TNKS: variants seen among roughly 807,000 people sequenced by gnomAD.
TNKS encodes the protein poly [ADP-ribose] polymerase tankyrase-1.
TNKS carries 72 observed loss-of-function variants against 135.8 expected under a neutral mutation model. The ratio of observed to expected loss-of-function variants is 0.53; its 90% CI spans 0.44 to 0.64. TNKS has a LOEUF of 0.64. Among genes scored for constraint, TNKS ranks in the 30% least tolerant of loss-of-function variants. The pLI is 0.00. For synonymous variants in TNKS, 849 were observed against 649.3 expected, an observed-to-expected ratio of 1.31 and a Z score of -4.68; for missense variants, 1,769 against 1,674.0, an observed-to-expected ratio of 1.06 and a Z score of -0.99.
In TNKS at chr8:9,770,193, C is replaced by T. The variant is rs770435197; in HGVS notation, c.3828C>T (p.His1276=). ...TGGCCCACGCGCCTCCAGGGCACCA[C>T]TCAGTCATTGGTAGACCGAGCGTCA... ...MKMAHAPPGH[H]SVIGRPSVNG... is the part of the protein sequence containing the mutation. Residue 1276 remains histidine (H), a synonymous_variant, in exon 26 of 27, where the codon CAC becomes CAT. Coordinates refer to ENST00000310430, the MANE Select transcript of TNKS (RefSeq NM_003747.3). The T allele has an allele frequency of 2.5e-6, 4 of 1,613,364 alleles. No individual in the cohort carries two copies. Among genetic ancestry groups the T allele is most frequent in the Non-Finnish European group, 3.4e-6 (4 of 1,179,964 alleles).
intron 5 of TNKS, among the ~76,000 whole-genome samples, chr8:9,700,738 C>T (rs146630170): frequency 5.3e-5 from 8 of 152,132 alleles, no homozygotes; most frequent in African/African-American, 1.9e-4. Flanking sequence ...TTTGAAAACT[C>T]ACCCTTCAAC....
chr8:9,606,557 T>G (rs1799228455), intron 2 of TNKS, among the ~76,000 whole-genome samples: 1 of 152,180 alleles, frequency 6.6e-6, no homozygotes, highest in Admixed American at 6.5e-5. Context: ...AGTATGTCTA[T>G]GTTTCACTTC....
At chr8:9,682,055 G>C (rs1031768263) in intron 5 of TNKS, among the ~76,000 whole-genome samples, 11 of 152,050 alleles carry the variant, frequency 7.2e-5, no homozygotes, top group Admixed American at 4.6e-4. Context: ...AATGGTAACT[G>C]TTCATTTTTC....
At chr8:9,646,808 T>C (rs566276352) in intron 3 of TNKS, among the ~76,000 whole-genome samples, 7 of 152,206 alleles carry the variant, frequency 4.6e-5, no homozygotes, top group Non-Finnish European at 1.0e-4. Flanking sequence ...CTTTCCCCGT[T>C]AGTCCTAATT....
chr8:9,672,001 C>G (rs770972936), intron 3 of TNKS, among the ~76,000 whole-genome samples: 7 of 152,202 alleles, frequency 4.6e-5, no homozygotes, highest in Admixed American at 2.0e-4. Context: ...TCCATGCTGT[C>G]TACACTCTCT....
intron 3 of TNKS, among the ~76,000 whole-genome samples, chr8:9,675,219 T>G (rs1802484625): frequency 6.6e-6 from 1 of 152,222 alleles, no homozygotes; most frequent in Non-Finnish European, 1.5e-5. Flanking sequence ...AGTGAAAACA[T>G]GATGGAATAT....
intron 11 of TNKS, among the ~76,000 whole-genome samples, chr8:9,719,854 A>C (rs755181850): frequency 6.6e-6 from 1 of 152,162 alleles, no homozygotes; most frequent in Non-Finnish European, 1.5e-5. Context: ...TGAATCCTCA[A>C]ATCTTTTTTT....
intron 2 of TNKS, among the ~76,000 whole-genome samples, chr8:9,588,551 T>C (rs1241221333): frequency 1.3e-5 from 2 of 152,198 alleles, no homozygotes; most frequent in Middle Eastern, 3.2e-3. Context: ...GCTGGGATTA[T>C]AGGCGTGAGC....
At chr8:9,752,444 T>C in intron 19 of TNKS, 100 bp from the exon 20 acceptor site, 1 of 786,806 alleles carries the variant, frequency 1.3e-6, no homozygotes, top group Non-Finnish European at 2.1e-6. Context: ...GAAAATCATC[T>C]GACAGCCAAG....
chr8:9,753,886 T>C (rs1355154836), intron 20 of TNKS, among the ~76,000 whole-genome samples: 7 of 152,228 alleles, frequency 4.6e-5, no homozygotes, highest in Non-Finnish European at 1.0e-4. Context: ...ATCTCCAGTC[T>C]ACATATGTAT....
intron 1 of TNKS, chr8:9,558,061 T>C (rs1415707062): frequency 1.3e-5 from 2 of 152,206 alleles, no homozygotes; most frequent in Non-Finnish European, 2.9e-5. Context: ...CTTTCACATG[T>C]TTTTTATTGT....
chr8:9,645,564 G>A (rs1800889973), intron 3 of TNKS, among the ~76,000 whole-genome samples: 1 of 152,086 alleles, frequency 6.6e-6, no homozygotes, highest in Non-Finnish European at 1.5e-5. Flanking sequence ...TAAAAGATTT[G>A]CAGGGACCTC....
intron 20 of TNKS, among the ~76,000 whole-genome samples, chr8:9,754,832 A>G (rs545993571): frequency 6.6e-6 from 1 of 152,248 alleles, no homozygotes; most frequent in African/African-American, 2.4e-5. Flanking sequence ...CTATAAAATC[A>G]TTTTCTTTTC....
Position 9,776,737 on chromosome 8 carries a change from T to A in TNKS, c.*1T>A. The A allele has an allele frequency of 6.2e-7, 1 of 1,613,880 alleles. No individual in the cohort carries two copies. Among genetic ancestry groups the A allele is most frequent in the Non-Finnish European group, 8.5e-7 (1 of 1,179,844 alleles). ...AACAGCCGCAGAGCAGAAGACCTAG[T>A]GAATGCCTGCTGGTGAAGGCCAGAT... is the stretch of plus-strand genomic sequence containing the variant. On this transcript the variant is annotated 3_prime_UTR_variant, in exon 27 of 27. Coordinates refer to ENST00000310430, the MANE Select transcript of TNKS (RefSeq NM_003747.3).
chr8:9,685,108 C>A (rs990638553), intron 5 of TNKS, among the ~76,000 whole-genome samples: 6 of 151,924 alleles, frequency 3.9e-5, no homozygotes, highest in African/African-American at 1.5e-4. Context: ...ATATTTGCTT[C>A]CAAATAGTTA....
At chr8:9,721,660 T>A (rs1804886620) in intron 12 of TNKS, among the ~76,000 whole-genome samples, 2 of 152,128 alleles carry the variant, frequency 1.3e-5, no homozygotes, top group African/African-American at 4.8e-5. Context: ...CCGCTTTTTA[T>A]AAAGAATGTC....
At chr8:9,651,579 C>G (rs547741979) in intron 3 of TNKS, among the ~76,000 whole-genome samples, 1 of 152,098 alleles carries the variant, frequency 6.6e-6, no homozygotes, top group African/African-American at 2.4e-5. Flanking sequence ...GGGATCAGTT[C>G]CAGATTGGAT....
chr8:9,614,986 A>T (rs952305602), intron 2 of TNKS, among the ~76,000 whole-genome samples: 1 of 152,132 alleles, frequency 6.6e-6, no homozygotes, highest in Non-Finnish European at 1.5e-5. Flanking sequence ...AACATTTTTG[A>T]TGGAAAGAAT....
chr8:9,566,904 G>A (rs989927466), intron 1 of TNKS, among the ~76,000 whole-genome samples: 2 of 152,032 alleles, frequency 1.3e-5, no homozygotes, highest in South Asian at 2.1e-4. Context: ...CACCGCGCCC[G>A]GCCTAGCCCA....
Sources: allele counts gnomAD v4.1 joint callset (sites outside exome capture counted in the v4.1 genomes callset), GRCh38; gene constraint gnomAD v4.1.1; transcripts MANE v1.5; gene names NCBI Gene and HGNC (gene_info 2026-07-23, HGNC 2026-07-21).